Variants in SMG6 observed in about 807,000 individuals in gnomAD.
SMG6 encodes the protein telomerase-binding protein EST1A.
SMG6 carries 66 observed loss-of-function variants against 142.2 expected under a neutral mutation model. The ratio of observed to expected loss-of-function variants is 0.46; its 90% CI spans 0.38 to 0.57. The LOEUF (loss-of-function observed/expected upper bound fraction) is 0.57. SMG6 is among the 20% of genes least tolerant of loss of function. The pLI is 0.00. For missense variants in SMG6, 1,793 were observed against 1,832.0 expected (o/e 0.98, Z 0.39); for synonymous variants, 779 against 702.4 (o/e 1.11, Z -1.72).
At chr17:2,110,022 C>T (rs939396647) in intron 13 of SMG6, among the ~76,000 whole-genome samples, 6 of 141,624 alleles carry the variant, frequency 4.2e-5, no homozygotes, top group African/African-American at 1.5e-4. Context: ...GCAGAGGTTG[C>T]AGTGAGCAGA....
intron 8 of SMG6, among the ~76,000 whole-genome samples, chr17:2,269,233 A>G (rs1261536167): frequency 1.3e-5 from 2 of 150,386 alleles, no homozygotes; most frequent in Non-Finnish European, 3.0e-5. Context: ...AAAAAAAAAA[A>G]AAAAAAAATT....
chr17:2,147,794 A>G (rs765865761), intron 13 of SMG6, among the ~76,000 whole-genome samples: 1 of 152,234 alleles, frequency 6.6e-6, no homozygotes, highest in Non-Finnish European at 1.5e-5. Context: ...ACTAAAAAAC[A>G]AAAGTATTGT....
rs137904137 is a variant in SMG6 at position 2,219,870 on chromosome 17, G to A, written c.2869+16622C>T. 3.4e-4 allele frequency among the ~76,000 whole-genome samples: 51 copies of A among 150,688 alleles called. No homozygotes were observed. The East Asian group carries it at 9.5e-3, about 28-fold the overall frequency. On this transcript the variant is annotated intron_variant, in intron 10 of 18. Coordinates refer to ENST00000263073, the MANE Select transcript of SMG6 (RefSeq NM_017575.5). ...AATAATCTAGCATCATGTATCAAAA[G>A]TATTAAGATGCCAAAACCCCTTCAC...
Position 2,065,560 on chromosome 17 carries a change from C to G in SMG6, c.3955G>C (p.Glu1319Gln). 1 of 1,614,086 alleles carries G rather than the reference C, an allele frequency of 6.2e-7. No homozygotes were observed. The highest frequency in any genetic ancestry group is 2.2e-5 in the East Asian group (1 of 44,882). The part of the protein sequence containing the change: ...KSIEFLEQRF[E>Q]SRDSCLRALT... The stretch of plus-strand genomic sequence containing the variant: ...GCTCGCAGGCAAGAGTCCCGACTCT[C>G]GAATCGCTGCTCGAGGAACTCGATG... The change falls in exon 17 of 19, where the codon GAG (glutamate) becomes CAG (glutamine). Residue 1319 changes from glutamate (E) to glutamine (Q), a missense_variant. Physicochemically the swap from Glu to Gln is conservative, Grantham distance 29. Transcript: ENST00000263073.
intron 13 of SMG6, chr17:2,087,165 C>G: frequency 7.7e-7 from 1 of 1,290,480 alleles, no homozygotes; most frequent in Non-Finnish European, 1.0e-6. Flanking sequence ...TAAATCTCAT[C>G]GTTTTCGTAC....
Position 2,085,151 on chromosome 17 carries a change from CACACACACACAG to C in SMG6, c.3534+562_3534+573del, listed in dbSNP as rs1567584904. ...GCGCACACACACACACAGACGCGCA[CACACACACACAG>C]ACACACACACACGAGTCTGGAGTGA... On this transcript the variant is annotated intron_variant, in intron 14 of 18. Coordinates refer to ENST00000263073, the MANE Select transcript of SMG6 (RefSeq NM_017575.5). This position sits in a 1 kb window ranked among gnomAD's most constrained non-coding sequence, Gnocchi z 4.1. 6.6e-6 allele frequency among the ~76,000 whole-genome samples: 1 copy of C among 151,830 alleles called. No homozygotes were observed. Among genetic ancestry groups the C allele is most frequent in the Admixed American group, 6.6e-5 (1 of 15,244 alleles).
intron 6 of SMG6, among the ~76,000 whole-genome samples, chr17:2,284,792 CAT>C (rs1301464310): frequency 6.6e-6 from 1 of 152,180 alleles, no homozygotes; most frequent in African/African-American, 2.4e-5. Context: ...ATGTTTACAA[CAT>C]ATGGCTCCCA....
chr17:2,103,096 C>G (rs764969247), intron 13 of SMG6, among the ~76,000 whole-genome samples: 2 of 152,210 alleles, frequency 1.3e-5, no homozygotes, highest in African/African-American at 2.4e-5. Flanking sequence ...TGCAGTGAAC[C>G]TGGGAGTCCA....
chr17:2,290,942 A>C (rs772943227), intron 6 of SMG6, among the ~76,000 whole-genome samples: 6 of 152,192 alleles, frequency 3.9e-5, no homozygotes, highest in Non-Finnish European at 5.9e-5. Context: ...ACAGGTAAAG[A>C]TACAGAGACA....
Position 2,204,138 on chromosome 17 carries a change from TA to T in SMG6, c.2870-15624del, listed in dbSNP as rs376395710. On this transcript the variant is annotated intron_variant, in intron 10 of 18. Coordinates refer to ENST00000263073, the MANE Select transcript of SMG6 (RefSeq NM_017575.5). ...GCCACCATGCCCAGCTAAGGATTTT[TA>T]AAAGTCTGACAGTGTTTGTAAACAA... Among the ~76,000 whole-genome samples the T allele has an allele frequency of 3.5e-4, 53 of 152,226 alleles. 2 individuals are homozygous for T. In the South Asian group the frequency reaches 9.9e-3, roughly 29 times the overall value.
chr17:2,224,106 T>C (rs1275593719), intron 10 of SMG6, among the ~76,000 whole-genome samples: 1 of 152,020 alleles, frequency 6.6e-6, no homozygotes, highest in Non-Finnish European at 1.5e-5. Flanking sequence ...GCTAGTAAAA[T>C]AAAAGAAAAT....
At chr17:2,186,296 A>G (rs1235936054) in intron 12 of SMG6, among the ~76,000 whole-genome samples, 1 of 151,894 alleles carries the variant, frequency 6.6e-6, no homozygotes, top group South Asian at 2.1e-4. Flanking sequence ...AAAAACTAAT[A>G]AGAGAAGATA....
chr17:2,075,344 A>G (rs981608389), intron 15 of SMG6, among the ~76,000 whole-genome samples: 3 of 152,154 alleles, frequency 2.0e-5, no homozygotes, highest in Non-Finnish European at 4.4e-5. Flanking sequence ...GAGAGAAGCT[A>G]TTTTGAGAAC....
At chr17:2,281,095 A>G (rs1342988850) in intron 8 of SMG6, among the ~76,000 whole-genome samples, 1 of 152,124 alleles carries the variant, frequency 6.6e-6, no homozygotes, top group Non-Finnish European at 1.5e-5. Context: ...AGTCTCACTC[A>G]TCACTCAGGC....
intron 13 of SMG6, chr17:2,127,881 C>T: frequency 1.8e-6 from 1 of 564,562 alleles, no homozygotes; most frequent in South Asian, 1.4e-5. Flanking sequence ...TCTTGGTGGC[C>T]ATATCTTTGT....
At position 2,266,535 on chromosome 17, in the gene SMG6, C is replaced by T. The variant is rs183372832; in HGVS notation, c.2661+16112G>A. On this transcript the variant is annotated intron_variant, in intron 8 of 18. Coordinates refer to ENST00000263073, the MANE Select transcript of SMG6 (RefSeq NM_017575.5). ...GAGGTTTCTTCAGTGTGGAAGCTGG[C>T]GTTTGCAGCATGGCTTATGTCACGT... 2.3e-3 allele frequency among the ~76,000 whole-genome samples: 344 copies of T among 152,214 alleles called. 4 individuals carry two copies. Among genetic ancestry groups the T allele is most frequent in the South Asian group, 0.021 (99 of 4,806 alleles).
chr17:2,061,097 A>C lies in SMG6; in HGVS notation c.*395T>G, dbSNP rs2067760499. 3 of 176,892 alleles carry C rather than the reference A, an allele frequency of 1.7e-5. No individual in the cohort carries two copies. The South Asian group carries it at 3.6e-4, about 21-fold the overall frequency. The allele number at this position is 176,892 out of a possible 1,614,324, so 11.0% of individuals were successfully genotyped here. ...ACTGTGATTTCACTGCATCTGACGG[A>C]AACTCAGAACCCCTGCCCTGTCTCC... is the stretch of plus-strand genomic sequence containing the variant. On this transcript the variant is annotated 3_prime_UTR_variant, in exon 19 of 19. Transcript: ENST00000263073.
chr17:2,269,219 CAAAAAA>C (rs746635212), intron 8 of SMG6, among the ~76,000 whole-genome samples: 1 of 82,636 alleles, frequency 1.2e-5, no homozygotes, highest in Non-Finnish European at 2.3e-5. Flanking sequence ...GACTCCATCT[CAAAAAA>C]AAAAAAAAAA....
At chr17:2,093,801 T>C (rs2068787975) in intron 13 of SMG6, among the ~76,000 whole-genome samples, 1 of 152,182 alleles carries the variant, frequency 6.6e-6, no homozygotes, top group South Asian at 2.1e-4. Context: ...AAAATTGTTT[T>C]GTAAAGATGA....
Sources: gnomAD v4.1 joint callset for allele counts (sites outside exome capture counted in the v4.1 genomes callset) on GRCh38, gnomAD v4.1.1 for gene constraint, Gnocchi (gnomAD v3.1) non-coding constraint, MANE v1.5 for transcripts, NCBI Gene and HGNC (gene_info 2026-07-23, HGNC 2026-07-21) for gene names.